ADAP1: variants seen among roughly 807,000 people sequenced by gnomAD.
ADAP1 encodes the protein ArfGAP with dual PH domains 1, also known as arf-GAP with dual PH domain-containing protein 1.
ADAP1 carries 31 observed loss-of-function variants against 54.9 expected under a neutral mutation model. The observed-to-expected ratio is 0.56, with a 90% CI of 0.42 to 0.76. The LOEUF (loss-of-function observed/expected upper bound fraction) is 0.76, where lower values mean the gene tolerates loss of function less well. Ranked by LOEUF, ADAP1 falls within the 30% of genes least tolerant of loss-of-function variation. The probability of loss-of-function intolerance (pLI) is 0.00; values close to 1 mark genes in which losing one functional copy is unlikely to be tolerated. For synonymous variants in ADAP1, 313 were observed against 202.6 expected (o/e 1.55, Z -4.63); for missense variants, 535 against 512.4 (o/e 1.04, Z -0.42).
At position 927,069 on chromosome 7, in the gene ADAP1, C is replaced by T. The variant is rs575915553; in HGVS notation, c.214-425G>A. On this transcript the variant is annotated intron_variant, in intron 2 of 10. Transcript: ENST00000265846. Reference sequence around the variant, plus strand: ...TCCCCAGCTCACATTTAGCAAAGAGCCAACAGGCGCCAGACACGGGGGCCT... The same window carrying T: ...TCCCCAGCTCACATTTAGCAAAGAGTCAACAGGCGCCAGACACGGGGGCCT... 55 of 1,293,790 alleles carry T rather than the reference C, an allele frequency of 4.3e-5. No homozygotes were observed. The African/African-American group carries it at 8.0e-4, about 19-fold the overall frequency. The allele number at this position is 1,293,790 out of a possible 1,614,324, so 80.1% of individuals were successfully genotyped here.
At chr7:933,139 C>A (rs553207613) in intron 2 of ADAP1, among the ~76,000 whole-genome samples, 1 of 151,876 alleles carries the variant, frequency 6.6e-6, no homozygotes, top group African/African-American at 2.4e-5. Flanking sequence ...GGCGTGGTGG[C>A]GTGCACCTGC....
rs1844649882 is a variant in ADAP1 at position 899,104 on chromosome 7, G to A, written c.1025C>T (p.Ser342Phe). ...RKFLFACETESDQREWVAAFQ... is the reference protein window; with the variant it reads ...RKFLFACETEFDQREWVAAFQ... Reference sequence around the variant, plus strand: ...GGCCGCCACCCACTCCCTCTGGTCGGACTCCGTCTCGCAGGCAAACAGAAA... The same window carrying A: ...GGCCGCCACCCACTCCCTCTGGTCGAACTCCGTCTCGCAGGCAAACAGAAA... Residue 342 changes from serine (S) to phenylalanine (F), a missense_variant, in exon 10 of 11, where the codon TCC becomes TTC. Transcript: ENST00000265846. 6.2e-7 allele frequency: 1 copy of A among 1,608,542 alleles called. No homozygotes were observed. Among genetic ancestry groups the A allele is most frequent in the Non-Finnish European group, 8.5e-7 (1 of 1,179,932 alleles).
rs376277744 is a variant in ADAP1, at chr7:926,616, G to T, written c.242C>A (p.Ala81Glu). Residue 81 changes from alanine (A) to glutamate (E), a missense_variant, in exon 3 of 11, where the codon GCG becomes GAG. Transcript: ENST00000265846. The surrounding 1 kb of genome is among the most constrained non-coding windows in gnomAD (Gnocchi z 4.6). ...EFMASHGNDAARARFESKVPS... is the reference protein window; with the variant it reads ...EFMASHGNDAERARFESKVPS... Reference sequence around the variant, plus strand: ...TACTTTGGACTCAAACCTGGCTCTCGCGGCGTCGTTCCCGTGGGAGGCCAT... The same window carrying T: ...TACTTTGGACTCAAACCTGGCTCTCTCGGCGTCGTTCCCGTGGGAGGCCAT... 1.2e-5 allele frequency: 19 copies of T among 1,544,972 alleles called. No homozygotes were observed. The highest frequency in any genetic ancestry group is 1.7e-4 in the Middle Eastern group (1 of 5,970).
chr7:921,299 A>T (rs1846183791), intron 3 of ADAP1, among the ~76,000 whole-genome samples: 1 of 152,066 alleles, frequency 6.6e-6, no homozygotes, highest in African/African-American at 2.4e-5. Flanking sequence ...CCTTATCTTA[A>T]CCTGAAGACA....
At chr7:942,636 GGAGGAGGAA>G (rs1562936098) in intron 1 of ADAP1, among the ~76,000 whole-genome samples, 9 of 22,480 alleles carry the variant, frequency 4.0e-4, no homozygotes, top group Non-Finnish European at 3.9e-4. Context: ...GAGGAAGGGA[GGAGGAGGAA>G]GAGGAGGAAG....
chr7:912,128 G>A (rs1449347149), intron 4 of ADAP1, among the ~76,000 whole-genome samples: 1 of 152,142 alleles, frequency 6.6e-6, no homozygotes, highest in Non-Finnish European at 1.5e-5. Context: ...GACATTTACG[G>A]CAACGGTCGG....
In ADAP1 at chr7:954,634, G is replaced by A. The variant is rs528945525; in HGVS notation, c.-157C>T. ...GGTTCCGCATTCCCGCCGCCCTCTG[G>A]GCTCCGCCGCCGCCGCTCGTGTCTC... On this transcript the variant is annotated 5_prime_UTR_variant, in exon 1 of 11. Coordinates refer to ENST00000265846, the MANE Select transcript of ADAP1 (RefSeq NM_006869.4). The A allele has an allele frequency of 0.031, 30,712 of 983,062 alleles. 521 individuals are homozygous for A. The highest frequency in any genetic ancestry group is 0.035 in the Non-Finnish European group (28,701 of 829,634). The allele number at this position is 983,062 out of a possible 1,614,324, so 60.9% of individuals were successfully genotyped here. A position where few individuals can be genotyped will look rare whatever the true frequency, so the allele number is the denominator to read the frequency against.
intron 3 of ADAP1, among the ~76,000 whole-genome samples, chr7:923,862 G>A (rs753908312): frequency 4.6e-5 from 7 of 152,182 alleles, no homozygotes; most frequent in South Asian, 2.1e-4. Flanking sequence ...CACGGAGGCC[G>A]TGGGCACCAG....
chr7:899,027 C>A lies in ADAP1; in HGVS notation c.1096+6G>T, dbSNP rs184864985. The A allele has an allele frequency of 2.9e-3, 4,620 of 1,609,840 alleles. 10 individuals carry two copies. The highest frequency in any genetic ancestry group is 3.7e-3 in the Non-Finnish European group (4,349 of 1,179,762). On this transcript the variant is annotated splice_donor_region_variant and intron_variant, in intron 10 of 10. Coordinates refer to ENST00000265846, the MANE Select transcript of ADAP1 (RefSeq NM_006869.4). ...TTCCAGGCCGCCGGCCGCCCGCCCC[C>A]CTCACCTGCGTACTCCTGGGGCAGC... is the stretch of plus-strand genomic sequence containing the variant.
chr7:950,056 A>C lies in ADAP1; in HGVS notation c.82+4340T>G, dbSNP rs1398945719. ...TGGGAGCAGCCCAGTGTCCGCCTGCAGACAAACGGGCACACGCAATGTGGT... is the reference window on the plus strand; with the variant it reads ...TGGGAGCAGCCCAGTGTCCGCCTGCCGACAAACGGGCACACGCAATGTGGT... On this transcript the variant is annotated intron_variant, in intron 1 of 10. Transcript: ENST00000265846. Among the ~76,000 whole-genome samples, 3 of 152,252 alleles carry C rather than the reference A, an allele frequency of 2.0e-5. No homozygotes were observed. The South Asian group carries it at 6.2e-4, about 31-fold the overall frequency.
At chr7:936,935 G>A (rs115751706) in intron 1 of ADAP1, among the ~76,000 whole-genome samples, 2,397 of 152,338 alleles carry the variant, frequency 0.016, 52 homozygotes, top group African/African-American at 0.044. Flanking sequence ...CATGCCAGGC[G>A]GCGGAGGCCC....
chr7:924,204 C>T (rs1339763095), intron 3 of ADAP1, among the ~76,000 whole-genome samples: 1 of 107,654 alleles, frequency 9.3e-6, no homozygotes, highest in Non-Finnish European at 1.9e-5. Context: ...TCACGCTGCA[C>T]CCCCCGCCCT....
chr7:902,103 T>C (rs967486158), intron 6 of ADAP1, among the ~76,000 whole-genome samples: 1 of 151,872 alleles, frequency 6.6e-6, no homozygotes, highest in African/African-American at 2.4e-5. Flanking sequence ...GAATTATCTT[T>C]GGAGGATCAG....
chr7:927,603 A>C, intron 2 of ADAP1: 1 of 417,870 alleles, frequency 2.4e-6, no homozygotes, highest in Non-Finnish European at 4.8e-6. Flanking sequence ...CAGCTGGAGA[A>C]ATCACAAGCA....
chr7:954,310 G>C, intron 1 of ADAP1, 86 bp downstream of exon 1: 1 of 989,544 alleles, frequency 1.0e-6, no homozygotes, highest in African/African-American at 1.8e-5. Context: ...CCCCCGCCCG[G>C]TCCCCGGGGC....
At chr7:935,114 A>G (rs1408507409) in intron 2 of ADAP1, 1 of 614,404 alleles carries the variant, frequency 1.6e-6, no homozygotes, top group Non-Finnish European at 3.1e-6. Context: ...GGAATCGGCG[A>G]CCCGCCTTCG....
chr7:946,323 T>C lies in ADAP1; in HGVS notation c.82+8073A>G, dbSNP rs79593978. Among the ~76,000 whole-genome samples the C allele has an allele frequency of 0.023, 3,420 of 151,912 alleles. 52 individuals are homozygous for C. The highest frequency in any genetic ancestry group is 0.03 in the African/African-American group (1,227 of 41,410). On this transcript the variant is annotated intron_variant, in intron 1 of 10. Coordinates refer to ENST00000265846, the MANE Select transcript of ADAP1 (RefSeq NM_006869.4). The surrounding 1 kb of genome is among the most constrained non-coding windows in gnomAD (Gnocchi z 4.3). The stretch of plus-strand genomic sequence containing the variant: ...CCTGGGTGGGCTGGCAGCCCACACC[T>C]CCTCTCTGCCCAGGCCCCAGGCCCC...
At chr7:907,571 C>T (rs1169948071) in intron 4 of ADAP1, among the ~76,000 whole-genome samples, 3 of 152,130 alleles carry the variant, frequency 2.0e-5, no homozygotes, top group Admixed American at 6.5e-5. Flanking sequence ...CGTTCCCATC[C>T]CCCCCAGGCC....
chr7:899,396 C>T (rs1844667778), intron 9 of ADAP1, 23 bp downstream of exon 9: 1 of 1,612,032 alleles, frequency 6.2e-7, no homozygotes, highest in African/African-American at 1.3e-5. Context: ...CCCTCCCGTG[C>T]TGGGGCCACA....
Sources: allele counts gnomAD v4.1 joint callset (sites outside exome capture counted in the v4.1 genomes callset), GRCh38; gene constraint gnomAD v4.1.1; non-coding constraint Gnocchi (gnomAD v3.1); transcripts MANE v1.5; gene names NCBI Gene and HGNC (gene_info 2026-07-23, HGNC 2026-07-21).